CFTR: variants seen among roughly 807,000 people sequenced by gnomAD.
CFTR encodes the protein cystic fibrosis transmembrane conductance regulator.
A neutral mutation model predicts 171.6 loss-of-function variants in CFTR; 181 were observed. The ratio of observed to expected loss-of-function variants is 1.05; its 90% CI spans 0.93 to 1.19. The LOEUF is 1.19. CFTR is among the 50% of genes most tolerant of loss of function. The pLI is 0.00. For missense variants in CFTR, 1,968 were observed against 1,734.7 expected, an observed-to-expected ratio of 1.13 and a Z score of -2.39; for synonymous variants, 583 against 608.0, an observed-to-expected ratio of 0.96 and a Z score of 0.60.
intron 15 of CFTR, among the ~76,000 whole-genome samples, chr7:117,597,782 C>A (rs1792157045): frequency 6.6e-6 from 1 of 150,518 alleles, no homozygotes; most frequent in Non-Finnish European, 1.5e-5. Context: ...GTTTCTTTAC[C>A]AAGCCTCTAC....
rs121909006 is a variant in CFTR at position 117,590,360 on chromosome 7, T to A, written c.1687T>A (p.Tyr563Asn). The A allele has an allele frequency of 6.2e-6, 10 of 1,603,020 alleles. No homozygotes were observed. The highest frequency in any genetic ancestry group is 7.7e-6 in the Non-Finnish European group (9 of 1,172,184). The change falls in exon 13 of 27, where the codon TAC becomes AAC. Residue 563 changes from tyrosine (Y) to asparagine (N), a missense_variant. Coordinates refer to ENST00000003084, the MANE Select transcript of CFTR (RefSeq NM_000492.4). ...TTTCCATTTTCTTTTTAGAGCAGTA[T>A]ACAAAGATGCTGATTTGTATTTATT... is the stretch of plus-strand genomic sequence containing the variant. ...RARISLARAV[Y>N]KDADLYLLDS...
At chr7:117,513,111 A>G (rs1166995317) in intron 3 of CFTR, among the ~76,000 whole-genome samples, 1 of 152,178 alleles carries the variant, frequency 6.6e-6, no homozygotes, top group Non-Finnish European at 1.5e-5. Flanking sequence ...TATTACTGAC[A>G]GGAGGCAGAT....
At chr7:117,492,838 A>G (rs1798182614) in intron 1 of CFTR, among the ~76,000 whole-genome samples, 1 of 152,062 alleles carries the variant, frequency 6.6e-6, no homozygotes, top group Admixed American at 6.6e-5. Context: ...AGGCTCACAC[A>G]TACATAATTT....
rs77846488 is a variant in CFTR, at chr7:117,571,897, T to C, written c.1584+12242T>C. The stretch of plus-strand genomic sequence containing the variant: ...TAACATCCATTATATTAGTGCTTTT[T>C]GTACTTTTTGTTGGGTGTAGTAAAA... On this transcript the variant is annotated intron_variant, in intron 11 of 26. Coordinates refer to ENST00000003084, the MANE Select transcript of CFTR (RefSeq NM_000492.4). Among the ~76,000 whole-genome samples, 1,513 of 152,326 alleles carry C rather than the reference T, an allele frequency of 9.9e-3. 15 individuals are homozygous for C. The highest frequency in any genetic ancestry group is 0.029 in the South Asian group (140 of 4,830).
intron 9 of CFTR, 45 bp from the exon 10 acceptor site, chr7:117,548,594 CTT>C (rs918784326): frequency 1.9e-6 from 3 of 1,578,052 alleles, no homozygotes; most frequent in Non-Finnish European, 2.6e-6. Context: ...ACAAACTCAT[CTT>C]TTATTTTTGA....
At chr7:117,516,287 T>C (rs6943105) in intron 3 of CFTR, among the ~76,000 whole-genome samples, 45,386 of 151,962 alleles carry the variant, frequency 0.3, 8,928 homozygotes, top group African/African-American at 0.56. Context: ...TAACATAACT[T>C]ATTTTATGAT....
intron 24 of CFTR, among the ~76,000 whole-genome samples, chr7:117,653,538 A>G (rs1793118979): frequency 6.6e-6 from 1 of 152,106 alleles, no homozygotes; most frequent in South Asian, 2.1e-4. Flanking sequence ...CTTTGTTCTC[A>G]TGACCTAATC....
chr7:117,499,429 C>CTATGTGTGTGTGTG (rs139818458), intron 1 of CFTR, among the ~76,000 whole-genome samples: 2 of 135,830 alleles, frequency 1.5e-5, no homozygotes, highest in African/African-American at 5.7e-5. Flanking sequence ...ATAGTTTCAT[C>CTATGTGTGTGTGTG]TGTGTGTGTG....
intron 24 of CFTR, among the ~76,000 whole-genome samples, chr7:117,658,786 C>T (rs1328336835): frequency 1.3e-5 from 2 of 152,118 alleles, no homozygotes; most frequent in African/African-American, 4.8e-5. Context: ...TCTTCATTTC[C>T]ACCTGACACC....
Position 117,642,516 on chromosome 7 carries a change from G to A in CFTR, c.3796G>A (p.Glu1266Lys). 1 of 1,613,668 alleles carries A rather than the reference G, an allele frequency of 6.2e-7. No homozygotes were observed. Among genetic ancestry groups the A allele is most frequent in the Non-Finnish European group, 8.5e-7 (1 of 1,179,762 alleles). ...TTTGAGACTACTGAACACTGAAGGA[G>A]AAATCCAGATCGATGGTGTGTCTTG... ...AFLRLLNTEG[E>K]IQIDGVSWDS... The change falls in exon 23 of 27, where the codon GAA (glutamate) becomes AAA (lysine). Residue 1266 changes from glutamate to lysine, a missense_variant. Glu to Lys is a moderately conservative substitution (Grantham distance 56). Coordinates refer to ENST00000003084, the MANE Select transcript of CFTR (RefSeq NM_000492.4).
rs575711764 is a variant in CFTR, at chr7:117,530,890, C to A, written c.274-9C>A. On this transcript the variant is annotated splice_polypyrimidine_tract_variant and intron_variant, in intron 3 of 26. Coordinates refer to ENST00000003084, the MANE Select transcript of CFTR (RefSeq NM_000492.4). Reference sequence around the variant, plus strand: ...GAAATTTAATTTCTCTGTTTTTCCCCTTTTGTAGGAAGTCACCAAAGCAGT... The same window carrying A: ...GAAATTTAATTTCTCTGTTTTTCCCATTTTGTAGGAAGTCACCAAAGCAGT... 1.3e-6 allele frequency: 2 copies of A among 1,579,524 alleles called. No homozygotes were observed. The highest frequency in any genetic ancestry group is 1.7e-5 in the Admixed American group (1 of 59,734).
At chr7:117,611,840 T>C in intron 20 of CFTR, 32 bp downstream of exon 20, 1 of 1,503,492 alleles carries the variant, frequency 6.7e-7, no homozygotes, top group Non-Finnish European at 9.2e-7. Flanking sequence ...TAGCTAAGCA[T>C]TTAAGTAAAA....
At chr7:117,506,175 A>G (rs948887912) in intron 2 of CFTR, among the ~76,000 whole-genome samples, 2 of 152,200 alleles carry the variant, frequency 1.3e-5, no homozygotes, top group African/African-American at 4.8e-5. Context: ...ATATATAAAC[A>G]TAATCCATTG....
chr7:117,517,126 A>C (rs1286434021), intron 3 of CFTR, among the ~76,000 whole-genome samples: 5 of 151,986 alleles, frequency 3.3e-5, no homozygotes, highest in African/African-American at 1.2e-4. Flanking sequence ...TGCAATCTAG[A>C]TGGCGATTGC....
At chr7:117,628,926 T>G (rs962339361) in intron 22 of CFTR, among the ~76,000 whole-genome samples, 2 of 152,096 alleles carry the variant, frequency 1.3e-5, no homozygotes, top group African/African-American at 4.8e-5. Flanking sequence ...ATAGCCAGAA[T>G]AGGTTGGTAT....
intron 10 of CFTR, 47 bp downstream of exon 10, chr7:117,548,870 GTC>G (rs1799218294): frequency 1.3e-6 from 2 of 1,569,700 alleles, no homozygotes; most frequent in Non-Finnish European, 1.7e-6. Context: ...TGGTGTCCAT[GTC>G]TCTTTTTTTT....
intron 12 of CFTR, among the ~76,000 whole-genome samples, chr7:117,590,011 A>G (rs761953504): frequency 6.6e-6 from 1 of 152,018 alleles, no homozygotes; most frequent in Non-Finnish European, 1.5e-5. Context: ...TTTTAAGGTA[A>G]TATTTTAAAG....
chr7:117,629,744 A>G (rs1373854990), intron 22 of CFTR, among the ~76,000 whole-genome samples: 1 of 152,212 alleles, frequency 6.6e-6, no homozygotes, highest in Non-Finnish European at 1.5e-5. Flanking sequence ...AGCTTAATCT[A>G]AAACAATGAC....
chr7:117,490,312 TAC>T (rs3034759), intron 1 of CFTR, among the ~76,000 whole-genome samples: 8,670 of 136,732 alleles, frequency 0.063, 372 homozygotes, highest in African/African-American at 0.13. Context: ...GAACCAATGA[TAC>T]ACACACACAC....
Sources: allele counts gnomAD v4.1 joint callset (sites outside exome capture counted in the v4.1 genomes callset), GRCh38; gene constraint gnomAD v4.1.1; transcripts MANE v1.5; gene names NCBI Gene and HGNC (gene_info 2026-07-23, HGNC 2026-07-21).